Variants in VTI1A observed in about 807,000 individuals in gnomAD.
The protein encoded by VTI1A is vesicle transport through interaction with t-SNAREs homolog 1A.
In VTI1A, 22 loss-of-function variants were observed where a neutral mutation model predicts 34.9. The observed-to-expected ratio is 0.63, with a 90% confidence interval of 0.45 to 0.90. The LOEUF is 0.90. VTI1A is among the 40% of genes least tolerant of loss of function. VTI1A has a pLI of 0.00. For synonymous variants in VTI1A, 87 were observed against 97.3 expected (o/e 0.89, Z 0.62); for missense variants, 268 against 275.6 (o/e 0.97, Z 0.20).
the VTI1A span, among the ~76,000 whole-genome samples, chr10:112,851,873 G>A: frequency 6.6e-6 from 1 of 152,122 alleles, no homozygotes; most frequent in East Asian, 1.9e-4. Flanking sequence ...CAACCTCAGT[G>A]AAATTACACT....
intron 3 of VTI1A, among the ~76,000 whole-genome samples, chr10:112,521,087 G>T (rs1405929047): frequency 6.6e-6 from 1 of 151,912 alleles, no homozygotes; most frequent in Non-Finnish European, 1.5e-5. Context: ...TACAGTATTG[G>T]TGACATGTGG....
chr10:112,790,503 C>T (rs1046828730), intron 7 of VTI1A, among the ~76,000 whole-genome samples: 2 of 152,182 alleles, frequency 1.3e-5, no homozygotes, highest in African/African-American at 4.8e-5. Context: ...TTTAGGCTAG[C>T]AGAGGTGTGG....
intron 4 of VTI1A, among the ~76,000 whole-genome samples, chr10:112,531,029 A>C (rs1403947959): frequency 4.0e-5 from 6 of 151,688 alleles, no homozygotes; most frequent in Admixed American, 3.3e-4. Context: ...AGCTTTAAAA[A>C]AAATTCGGTA....
chr10:112,688,802 G>A (rs1176870777), intron 7 of VTI1A, among the ~76,000 whole-genome samples: 1 of 152,092 alleles, frequency 6.6e-6, no homozygotes, highest in Non-Finnish European at 1.5e-5. Flanking sequence ...GCCTCCCAAA[G>A]TGCAGGAATT....
rs113936431 is a variant in VTI1A, at chr10:112,787,448, C to G, written c.561-27842C>G. Among the ~76,000 whole-genome samples, 699 of 152,172 alleles carry G rather than the reference C, an allele frequency of 4.6e-3. 6 individuals carry two copies. The highest frequency in any genetic ancestry group is 0.016 in the African/African-American group (658 of 41,538). ...TATTGCTTGTGTTGGGCTTAATTTGCTCTTTCTTAATGTGGTAGCTTAGAT... is the reference window on the plus strand; with the variant it reads ...TATTGCTTGTGTTGGGCTTAATTTGGTCTTTCTTAATGTGGTAGCTTAGAT... On this transcript the variant is annotated intron_variant, in intron 7 of 7. Transcript: ENST00000393077.
chr10:112,845,479 C>T, the VTI1A span, among the ~76,000 whole-genome samples: 3 of 152,196 alleles, frequency 2.0e-5, no homozygotes, highest in Non-Finnish European at 4.4e-5. Flanking sequence ...TTCATTAATG[C>T]CTGGCTCTAG....
At chr10:112,728,516 T>C (rs984063638) in intron 7 of VTI1A, among the ~76,000 whole-genome samples, 8 of 152,288 alleles carry the variant, frequency 5.3e-5, no homozygotes, top group Middle Eastern at 3.4e-3. Flanking sequence ...AAATGCACAA[T>C]AGCTAAAGTC....
chr10:112,687,169 A>G (rs1290952418), intron 7 of VTI1A, among the ~76,000 whole-genome samples: 4 of 144,962 alleles, frequency 2.8e-5, no homozygotes, highest in African/African-American at 9.9e-5. Context: ...ATAGGCAAGG[A>G]TGAAATCAAA....
chr10:112,846,429 C>G, the VTI1A span, among the ~76,000 whole-genome samples: 1 of 152,230 alleles, frequency 6.6e-6, no homozygotes, highest in Admixed American at 6.5e-5. Context: ...TTCAATAGAA[C>G]TAACTCGTGC....
chr10:112,515,741 A>G (rs1213935063), intron 3 of VTI1A, among the ~76,000 whole-genome samples: 7 of 152,070 alleles, frequency 4.6e-5, no homozygotes, highest in African/African-American at 1.7e-4. Context: ...TCCTCAGATA[A>G]CAATTAATTC....
At chr10:112,532,098 T>A (rs997411299) in intron 4 of VTI1A, among the ~76,000 whole-genome samples, 4 of 152,218 alleles carry the variant, frequency 2.6e-5, no homozygotes, top group Non-Finnish European at 4.4e-5. Context: ...TAAAGATTCT[T>A]AACAGTTTTT....
chr10:112,712,740 A>G (rs934564889), intron 7 of VTI1A, among the ~76,000 whole-genome samples: 4 of 152,248 alleles, frequency 2.6e-5, no homozygotes, highest in Admixed American at 2.0e-4. Flanking sequence ...TGCATTCTCC[A>G]AGCATGTGAA....
the VTI1A span, among the ~76,000 whole-genome samples, chr10:112,833,647 C>T: frequency 6.6e-6 from 1 of 152,232 alleles, no homozygotes; most frequent in Non-Finnish European, 1.5e-5. Context: ...ACTCTTTGAG[C>T]CATTTATTAT....
chr10:112,495,337 G>A (rs1368285065), intron 3 of VTI1A, among the ~76,000 whole-genome samples: 1 of 150,924 alleles, frequency 6.6e-6, no homozygotes, highest in Non-Finnish European at 1.5e-5. Context: ...AACTGCTAAT[G>A]CTTTTTCCTC....
intron 7 of VTI1A, among the ~76,000 whole-genome samples, chr10:112,765,910 CTA>C (rs1441591197): frequency 6.6e-6 from 1 of 152,106 alleles, no homozygotes; most frequent in Non-Finnish European, 1.5e-5. Context: ...AAGCTGTGGT[CTA>C]GAGATTTTAC....
intron 7 of VTI1A, among the ~76,000 whole-genome samples, chr10:112,727,257 C>T (rs566757919): frequency 6.6e-6 from 1 of 152,302 alleles, no homozygotes; most frequent in South Asian, 2.1e-4. Context: ...TTTACTCACC[C>T]TACTACCTTG....
At chr10:112,693,114 A>G (rs1207430169) in intron 7 of VTI1A, among the ~76,000 whole-genome samples, 2 of 152,254 alleles carry the variant, frequency 1.3e-5, no homozygotes, top group African/African-American at 2.4e-5. Flanking sequence ...ATAAATAAGT[A>G]CCAAACATGT....
At chr10:112,621,324 T>G (rs1845725411) in intron 5 of VTI1A, among the ~76,000 whole-genome samples, 1 of 152,198 alleles carries the variant, frequency 6.6e-6, no homozygotes, top group Non-Finnish European at 1.5e-5. Flanking sequence ...CCTTTTTTAC[T>G]TTTTATACCA....
intron 5 of VTI1A, among the ~76,000 whole-genome samples, chr10:112,598,505 C>T (rs1418196352): frequency 6.6e-6 from 1 of 152,162 alleles, no homozygotes; most frequent in Non-Finnish European, 1.5e-5. Context: ...GCCTTTGTAG[C>T]CTTGCAGGCT....
Sources: allele counts gnomAD v4.1 joint callset (sites outside exome capture counted in the v4.1 genomes callset), GRCh38; gene constraint gnomAD v4.1.1; transcripts MANE v1.5; gene names NCBI Gene and HGNC (gene_info 2026-07-23, HGNC 2026-07-21).